The following HIVEP1 variants were observed in gnomAD, a reference collection of about 807,000 sequenced individuals.
HIVEP1 encodes HIVEP zinc finger 1.
HIVEP1 carries 36 observed loss-of-function variants against 180.0 expected under a neutral mutation model. That is an observed-to-expected ratio of 0.20 (90% CI 0.15 to 0.26). HIVEP1 has a LOEUF of 0.26. HIVEP1 is among the 10% of genes least tolerant of loss of function. The pLI, the probability that HIVEP1 is intolerant of heterozygous loss-of-function variation, is 1.00. For missense variants in HIVEP1, 3,143 were observed against 3,268.7 expected (o/e 0.96, Z 0.94); for synonymous variants, 1,239 against 1,239.0 (o/e 1.00, Z 0.00).
chr6:12,178,438 T>G, the HIVEP1 span, among the ~76,000 whole-genome samples: 1 of 152,142 alleles, frequency 6.6e-6, no homozygotes, highest in Non-Finnish European at 1.5e-5. Flanking sequence ...AAATATTTGT[T>G]TAAATGTAAA....
At chr6:12,014,106 A>ATG (rs1261647931) in intron 1 of HIVEP1, among the ~76,000 whole-genome samples, 1 of 152,206 alleles carries the variant, frequency 6.6e-6, no homozygotes, top group Admixed American at 6.5e-5. Context: ...CAACCTTCTG[A>ATG]TGTGGATAAT....
downstream of HIVEP1, among the ~76,000 whole-genome samples, chr6:12,167,683 TATA>T (rs1226575397): frequency 1.9e-5 from 2 of 104,098 alleles, no homozygotes; most frequent in Non-Finnish European, 3.9e-5. Flanking sequence ...CATATATGTG[TATA>T]ATATATATAC....
At chr6:12,171,529 G>A in the HIVEP1 span, among the ~76,000 whole-genome samples, 1 of 152,172 alleles carries the variant, frequency 6.6e-6, no homozygotes, top group South Asian at 2.1e-4. Context: ...CTGTGAGAGG[G>A]GCTGGAAATA....
Position 12,015,639 on chromosome 6 carries a change from C to G in HIVEP1, c.11C>G (p.Thr4Ser), listed in dbSNP as rs1356070921. 6.2e-7 allele frequency: 1 copy of G among 1,613,348 alleles called. No individual in the cohort carries two copies. Among genetic ancestry groups the G allele is most frequent in the Non-Finnish European group, 8.5e-7 (1 of 1,179,674 alleles). ...CCTGAGTCAAAGAAGATGCCTCGAA[C>G]TAAACAAATTCATCCCAGAAATCTA... is the stretch of plus-strand genomic sequence containing the variant. MPR[T>S]KQIHPRNLRD... The change falls in exon 2 of 9, where the codon ACT becomes AGT. Residue 4 changes from threonine to serine, a missense_variant. Physicochemically the swap from Thr to Ser is moderately conservative, Grantham distance 58. Transcript: ENST00000379388.
At chr6:12,162,224 A>C (rs1217138557) in intron 8 of HIVEP1, among the ~76,000 whole-genome samples, 1 of 7,148 alleles carries the variant, frequency 1.4e-4, no homozygotes, top group Admixed American at 1.1e-3. Flanking sequence ...TTTGAAATTA[A>C]AAAAAAAAAA....
intron 2 of HIVEP1, among the ~76,000 whole-genome samples, chr6:12,033,411 C>T (rs1769083101): frequency 6.6e-6 from 1 of 151,988 alleles, no homozygotes; most frequent in South Asian, 2.1e-4. Context: ...TGTCGACATT[C>T]TCAGGCCATG....
At chr6:12,088,289 G>A (rs1773232713) in intron 2 of HIVEP1, among the ~76,000 whole-genome samples, 1 of 152,096 alleles carries the variant, frequency 6.6e-6, no homozygotes, top group Non-Finnish European at 1.5e-5. Context: ...TTTGGGATAT[G>A]TAGAATGTTA....
chr6:12,208,912 G>A, the HIVEP1 span, among the ~76,000 whole-genome samples: 4 of 152,176 alleles, frequency 2.6e-5, no homozygotes, highest in African/African-American at 2.4e-5. Context: ...TGGGTGTTGC[G>A]TTTATGCAAC....
intron 2 of HIVEP1, among the ~76,000 whole-genome samples, chr6:12,079,655 G>A (rs958478549): frequency 2.0e-5 from 3 of 152,154 alleles, no homozygotes; most frequent in African/African-American, 7.2e-5. Context: ...GATTTGCAAG[G>A]TTGGCCGCAT....
rs560180115 is a variant in HIVEP1 at position 12,089,219 on chromosome 6, G to C, written c.76G>C (p.Ala26Pro). ...IEEAQKELNG[A>P]EVSKKEILQA... ...AGAAGCACAAAAAGAACTTAATGGG[G>C]CAGAAGTTTCAAAAAAAGGTAAATT... Residue 26 changes from alanine to proline, a missense_variant, in exon 3 of 9, where the codon GCA becomes CCA. This residue lies in a region of HIVEP1 where 114 missense variants were observed against 134.5 expected (regional missense o/e 0.85). Transcript: ENST00000379388. The C allele has an allele frequency of 6.4e-7, 1 of 1,566,038 alleles. No individual in the cohort carries two copies. The highest frequency in any genetic ancestry group is 2.3e-5 in the East Asian group (1 of 44,372).
chr6:12,194,256 G>A, the HIVEP1 span, among the ~76,000 whole-genome samples: 165 of 152,182 alleles, frequency 1.1e-3, no homozygotes, highest in African/African-American at 3.6e-3. Flanking sequence ...AATTGGATAT[G>A]TGGCTACCAT....
intron 2 of HIVEP1, among the ~76,000 whole-genome samples, chr6:12,076,247 A>G (rs1298918047): frequency 6.6e-6 from 1 of 152,182 alleles, no homozygotes; most frequent in Admixed American, 6.5e-5. Context: ...GTTGCCTAAC[A>G]TATCTCTGTT....
chr6:12,124,912 G>A lies in HIVEP1; in HGVS notation c.5117G>A (p.Cys1706Tyr), dbSNP rs545402576. 1 of 1,614,000 alleles carries A rather than the reference G, an allele frequency of 6.2e-7. No individual in the cohort carries two copies. Among genetic ancestry groups the A allele is most frequent in the Non-Finnish European group, 8.5e-7 (1 of 1,179,952 alleles). The change falls in exon 4 of 9, where the codon TGT becomes TAT. Residue 1706 changes from cysteine (C) to tyrosine (Y), a missense_variant. Physicochemically the swap from Cys to Tyr is radical, Grantham distance 194 (BLOSUM62 -2). Around this residue, in one of 12 missense-constraint regions of HIVEP1, gnomAD observed 1,357 missense variants for 1,260.5 expected, o/e 1.08. Coordinates refer to ENST00000379388, the MANE Select transcript of HIVEP1 (RefSeq NM_002114.4). ...ALPNPEKEFL[C>Y]ENVFSEMSQN... Reference sequence around the variant, plus strand: ...CCAAACCCAGAGAAGGAATTTCTATGTGAAAATGTTTTTTCAGAGATGAGC... The same window carrying A: ...CCAAACCCAGAGAAGGAATTTCTATATGAAAATGTTTTTTCAGAGATGAGC...
In HIVEP1 at chr6:12,062,759, A is replaced by C. The variant is rs757975457; in HGVS notation, c.41-26425A>C. The stretch of plus-strand genomic sequence containing the variant: ...ATAAGTAACTTGCTCAATGTCATAA[A>C]GATAAGAAAGGGATAGACCAGGATT... On this transcript the variant is annotated intron_variant, in intron 2 of 8. Coordinates refer to ENST00000379388, the MANE Select transcript of HIVEP1 (RefSeq NM_002114.4). Among the ~76,000 whole-genome samples the C allele has an allele frequency of 2.6e-4, 40 of 152,338 alleles. 1 individual carries two copies. The highest frequency in any genetic ancestry group is 8.3e-4 in the South Asian group (4 of 4,826).
intron 3 of HIVEP1, among the ~76,000 whole-genome samples, chr6:12,099,526 A>AACT (rs1369972439): frequency 1.3e-5 from 2 of 152,068 alleles, no homozygotes; most frequent in Non-Finnish European, 2.9e-5. Context: ...CACATCATGT[A>AACT]GTTAGCCATT....
chr6:12,206,428 C>A, the HIVEP1 span, among the ~76,000 whole-genome samples: 1 of 152,118 alleles, frequency 6.6e-6, no homozygotes, highest in Non-Finnish European at 1.5e-5. Flanking sequence ...AGCTACAACA[C>A]CCATCCAAAA....
chr6:12,032,251 CTG>C (rs968423659), intron 2 of HIVEP1, among the ~76,000 whole-genome samples: 4 of 151,594 alleles, frequency 2.6e-5, no homozygotes, highest in Non-Finnish European at 5.9e-5. Context: ...CGCCATTCTC[CTG>C]TCTCAGCCTC....
chr6:12,126,226 T>A (rs929647111), intron 4 of HIVEP1, among the ~76,000 whole-genome samples: 31 of 152,230 alleles, frequency 2.0e-4, no homozygotes, highest in African/African-American at 7.0e-4. Flanking sequence ...TGAAAGGAAA[T>A]CATGGTTATG....
At chr6:12,151,702 T>G (rs936322937) in intron 7 of HIVEP1, among the ~76,000 whole-genome samples, 2 of 152,152 alleles carry the variant, frequency 1.3e-5, no homozygotes, top group African/African-American at 4.8e-5. Context: ...ATAGTAAATA[T>G]TTTAGGCTTT....
Sources: gnomAD v4.1 joint callset for allele counts (sites outside exome capture counted in the v4.1 genomes callset) on GRCh38, gnomAD v4.1.1 for gene constraint, gnomAD v4.1.1 regional missense constraint, MANE v1.5 for transcripts, NCBI Gene and HGNC (gene_info 2026-07-23, HGNC 2026-07-21) for gene names.